Variants in APC2 observed in about 807,000 individuals in gnomAD.
The protein encoded by APC2 is adenomatous polyposis coli protein 2.
A neutral mutation model predicts 72.5 loss-of-function variants in APC2; 41 were observed. The observed-to-expected ratio is 0.57, with a 90% confidence interval of 0.44 to 0.73. The LOEUF is 0.73. Ranked by LOEUF, APC2 falls within the 30% of genes least tolerant of loss-of-function variation. The pLI is 0.00. For missense variants in APC2, 3,729 were observed against 3,403.4 expected (o/e 1.10, Z -2.38); for synonymous variants, 1,898 against 1,612.0 (o/e 1.18, Z -4.25).
Position 1,467,759 on chromosome 19 carries a change from G to C in APC2, c.4458G>C (p.Arg1486=). ...PADKDGSKPG[R]TRGDGALQSL... is the part of the protein sequence containing the mutation. Reference sequence around the variant, plus strand: ...ACAAGGACGGCTCAAAGCCCGGCCGGACCCGCGGGGACGGGGCGCTCCAGT... The same window carrying C: ...ACAAGGACGGCTCAAAGCCCGGCCGCACCCGCGGGGACGGGGCGCTCCAGT... The change falls in exon 15 of 15, where the codon CGG becomes CGC. Residue 1486 remains arginine, a synonymous_variant. Coordinates refer to ENST00000590469, the MANE Select transcript of APC2 (RefSeq NM_005883.3). The C allele has an allele frequency of 7.0e-7, 1 of 1,431,396 alleles. No individual in the cohort carries two copies. Among genetic ancestry groups the C allele is most frequent in the Non-Finnish European group, 9.1e-7 (1 of 1,098,662 alleles). 88.7% of individuals were successfully genotyped at this position (1,431,396 alleles called of 1,614,324 possible).
chr19:1,448,843 C>CAAAA (rs57277236), upstream of APC2, among the ~76,000 whole-genome samples: 12 of 115,246 alleles, frequency 1.0e-4, no homozygotes, highest in Non-Finnish European at 9.4e-5. Flanking sequence ...GACTCCGTCT[C>CAAAA]AAAAAAAAAA....
chr19:1,457,378 C>A, intron 9 of APC2, 135 bp downstream of exon 9: 1 of 1,287,632 alleles, frequency 7.8e-7, no homozygotes, highest in Non-Finnish European at 1.0e-6. Flanking sequence ...AGGCTCCGGC[C>A]GAGGCCTGTG....
intron 10 of APC2, 45 bp from the exon 11 acceptor site, chr19:1,460,136 G>A: frequency 6.2e-7 from 1 of 1,611,076 alleles, no homozygotes; most frequent in Non-Finnish European, 8.5e-7. Flanking sequence ...TGGGCAGCAG[G>A]CAGGGTCATC....
chr19:1,460,921 G>A, intron 12 of APC2, 64 bp downstream of exon 12: 1 of 1,598,076 alleles, frequency 6.3e-7, no homozygotes, highest in African/African-American at 1.3e-5. Flanking sequence ...CCCCTCCCCA[G>A]CGGTGTGGTG....
rs763540654 is a variant in APC2 at position 1,457,252 on chromosome 19, C to G, written c.1207+9C>G. 6.6e-7 allele frequency: 1 copy of G among 1,516,028 alleles called. No individual in the cohort carries two copies. The highest frequency in any genetic ancestry group is 2.1e-5 in the Admixed American group (1 of 46,870). The allele number at this position is 1,516,028 out of a possible 1,614,324, so 93.9% of individuals were successfully genotyped here. On this transcript the variant is annotated intron_variant, in intron 9 of 14. Transcript: ENST00000590469. ...AGGTGGCGCCGGCAGCGGTGAGTGC[C>G]TGGCCTGGTGGGCCCCCTCCGCGCA...
chr19:1,461,039 G>A lies in APC2; in HGVS notation c.1524G>A (p.Val508=). The A allele has an allele frequency of 6.2e-7, 1 of 1,613,904 alleles. No homozygotes were observed. Residue 508 remains valine (V), a splice_region_variant and synonymous_variant, in exon 13 of 15, where the codon GTG becomes GTA. Transcript: ENST00000590469. ...LASDSEELHQ[V]VSSILRNLSW... is the part of the protein sequence containing the mutation. ...CACTTGCCCCTCACCCCACCCAGGT[G>A]GTGTCCAGCATCCTTCGGAACTTGT...
At position 1,469,713 on chromosome 19, in the gene APC2, A is replaced by T. The variant is rs1488243248; in HGVS notation, c.6412A>T (p.Arg2138Trp). 1.4e-6 allele frequency: 2 copies of T among 1,441,120 alleles called. No homozygotes were observed. Among genetic ancestry groups the T allele is most frequent in the East Asian group, 6.1e-5 (2 of 32,906 alleles). The allele number at this position is 1,441,120 out of a possible 1,614,324, so 89.3% of individuals were successfully genotyped here. ...SSDGEPRPLPRVAAPGTTWRR... is the reference protein window; with the variant it reads ...SSDGEPRPLPWVAAPGTTWRR... Reference sequence around the variant, plus strand: ...CGACGGGGAGCCCCGGCCGCTCCCCAGGGTGGCCGCGCCGGGCACGACCTG... The same window carrying T: ...CGACGGGGAGCCCCGGCCGCTCCCCTGGGTGGCCGCGCCGGGCACGACCTG... The change falls in exon 15 of 15, where the codon AGG becomes TGG. Residue 2138 changes from arginine (R) to tryptophan (W), a missense_variant. Physicochemically the swap from Arg to Trp is moderately radical, Grantham distance 101. Coordinates refer to ENST00000590469, the MANE Select transcript of APC2 (RefSeq NM_005883.3).
chr19:1,452,979 C>T lies in APC2; in HGVS notation c.-18-5C>T. On this transcript the variant is annotated splice_polypyrimidine_tract_variant and splice_region_variant and intron_variant, in intron 1 of 14. Coordinates refer to ENST00000590469, the MANE Select transcript of APC2 (RefSeq NM_005883.3). This position sits in a 1 kb window ranked among gnomAD's most constrained non-coding sequence, Gnocchi z 5.1. ...CAGCTGAACCCTCTGACCCTGTGAT[C>T]CCAGACGCTGCAGGAGCTGAAGATG... 5 of 1,610,206 alleles carry T rather than the reference C, an allele frequency of 3.1e-6. No individual in the cohort carries two copies. Among genetic ancestry groups the T allele is most frequent in the Non-Finnish European group, 4.2e-6 (5 of 1,179,530 alleles).
Position 1,470,691 on chromosome 19 carries a change from C to T in APC2, c.*478C>T, listed in dbSNP as rs1015379383. On this transcript the variant is annotated 3_prime_UTR_variant, in exon 15 of 15. Coordinates refer to ENST00000590469, the MANE Select transcript of APC2 (RefSeq NM_005883.3). Reference sequence around the variant, plus strand: ...CTGCCAGCTGGGGGCCTTTGCGGCGCGCAGGGGCGAAGCCTGTAATCACTG... The same window carrying T: ...CTGCCAGCTGGGGGCCTTTGCGGCGTGCAGGGGCGAAGCCTGTAATCACTG... 6.3e-6 allele frequency: 1 copy of T among 158,050 alleles called. No individual in the cohort carries two copies. Among genetic ancestry groups the T allele is most frequent in the Non-Finnish European group, 1.4e-5 (1 of 72,386 alleles). 9.8% of individuals were successfully genotyped at this position (158,050 alleles called of 1,614,324 possible). A position where few individuals can be genotyped will look rare whatever the true frequency, so the allele number is the denominator to read the frequency against.
At chr19:1,446,723 C>T (rs1157842475), upstream of APC2, among the ~76,000 whole-genome samples, 2 of 152,002 alleles carry the variant, frequency 1.3e-5, no homozygotes, top group African/African-American at 4.8e-5. This position sits in a 1 kb window ranked among gnomAD's most constrained non-coding sequence, Gnocchi z 6.1. Flanking sequence ...CTCGGCCCTG[C>T]GCAGGGTGGG....
At position 1,452,534 on chromosome 19, in the gene APC2, G is replaced by C. The variant is rs2083756098; in HGVS notation, c.-18-450G>C. 1 of 171,824 alleles carries C rather than the reference G, an allele frequency of 5.8e-6. No homozygotes were observed. The allele number at this position is 171,824 out of a possible 1,614,324, so 10.6% of individuals were successfully genotyped here. On this transcript the variant is annotated intron_variant, in intron 1 of 14. Transcript: ENST00000590469. The surrounding 1 kb of genome is among the most constrained non-coding windows in gnomAD (Gnocchi z 5.1). ...TCTGGGCAGGCTTGCTTTTATGGGG[G>C]AGGGTCCTGTCTGTCTGTCTGTCGC...
chr19:1,459,390 T>A (rs189527382), intron 10 of APC2, among the ~76,000 whole-genome samples: 30 of 152,324 alleles, frequency 2.0e-4, no homozygotes, highest in Non-Finnish European at 3.5e-4. Flanking sequence ...GGCTCCCTTC[T>A]GAGGCTGCGT....
At chr19:1,446,238 C>T (rs2083686452), upstream of APC2, 3 of 982,978 alleles carry the variant, frequency 3.1e-6, no homozygotes, top group African/African-American at 1.8e-5. This position sits in a 1 kb window ranked among gnomAD's most constrained non-coding sequence, Gnocchi z 6.1. Context: ...GCACCCCCAC[C>T]CTGGCCGCCG....
At chr19:1,447,046 C>G (rs1411610296), upstream of APC2, among the ~76,000 whole-genome samples, 2 of 152,292 alleles carry the variant, frequency 1.3e-5, no homozygotes, top group East Asian at 3.9e-4. Context: ...GACGGAGGCG[C>G]ACGTCTGCCG....
chr19:1,452,917 C>T lies in APC2; in HGVS notation c.-18-67C>T. 6.5e-7 allele frequency: 1 copy of T among 1,537,676 alleles called. No individual in the cohort carries two copies. The highest frequency in any genetic ancestry group is 8.8e-7 in the Non-Finnish European group (1 of 1,139,778). ...GGCTGGGGCTTAGGTCAGGGGCCGTCTGTCCGGAAGGCATCACCGCGCCCT... is the reference window on the plus strand; with the variant it reads ...GGCTGGGGCTTAGGTCAGGGGCCGTTTGTCCGGAAGGCATCACCGCGCCCT... On this transcript the variant is annotated intron_variant, in intron 1 of 14. Transcript: ENST00000590469. The surrounding 1 kb of genome is among the most constrained non-coding windows in gnomAD (Gnocchi z 5.1).
rs199611801 is a variant in APC2 at position 1,461,170 on chromosome 19, C to T, written c.1638+17C>T. 897 of 1,596,078 alleles carry T rather than the reference C, an allele frequency of 5.6e-4. No homozygotes were observed. Among genetic ancestry groups the T allele is most frequent in the Non-Finnish European group, 7.1e-4 (826 of 1,171,344 alleles). On this transcript the variant is annotated intron_variant, in intron 13 of 14. Transcript: ENST00000590469. ...GCCACCAAGGTGGGCACCCGGTGGG[C>T]GGCAGGGATGCTTCTTCAGTCACTG...
intron 8 of APC2, 57 bp downstream of exon 8, chr19:1,456,461 A>G: frequency 2.0e-6 from 3 of 1,480,684 alleles, no homozygotes; most frequent in Non-Finnish European, 1.8e-6. Context: ...AAGGGGGATC[A>G]GGTCTGCATC....
chr19:1,461,828 G>T, intron 13 of APC2, 135 bp from the exon 14 acceptor site: 1 of 720,086 alleles, frequency 1.4e-6, no homozygotes, highest in Non-Finnish European at 2.2e-6. Flanking sequence ...CTCCAGCCTG[G>T]GGGAGAGAGT....
intron 14 of APC2, among the ~76,000 whole-genome samples, chr19:1,464,585 TAAGTATACCCCAG>T (rs1387171366): frequency 6.6e-6 from 1 of 150,904 alleles, no homozygotes; most frequent in Non-Finnish European, 1.5e-5. Flanking sequence ...AGAATCTATC[TAAGTATACCCCAG>T]ATACCACATA....
Sources: allele counts gnomAD v4.1 joint callset (sites outside exome capture counted in the v4.1 genomes callset), GRCh38; gene constraint gnomAD v4.1.1; non-coding constraint Gnocchi (gnomAD v3.1); transcripts MANE v1.5; gene names NCBI Gene and HGNC (gene_info 2026-07-23, HGNC 2026-07-21).